The following EPS15L1 variants were observed in gnomAD, a reference collection of about 807,000 sequenced individuals.
EPS15L1 encodes epidermal growth factor receptor pathway substrate 15 like 1.
In EPS15L1, 43 loss-of-function variants were observed where a neutral mutation model predicts 117.1. The ratio of observed to expected loss-of-function variants is 0.37; its 90% CI spans 0.29 to 0.47. The LOEUF (loss-of-function observed/expected upper bound fraction) is 0.47, where lower values mean the gene tolerates loss of function less well. Ranked by LOEUF, EPS15L1 falls within the 20% of genes least tolerant of loss-of-function variation. The pLI, the probability that EPS15L1 is intolerant of heterozygous loss-of-function variation, is 0.99. For synonymous variants in EPS15L1, 459 were observed against 470.5 expected (o/e 0.98, Z 0.32); for missense variants, 981 against 1,164.0 (o/e 0.84, Z 2.29).
At chr19:16,436,163 G>C (rs190638573) in intron 6 of EPS15L1, among the ~76,000 whole-genome samples, 1 of 152,300 alleles carries the variant, frequency 6.6e-6, no homozygotes, top group Non-Finnish European at 1.5e-5. Context: ...TCCAAGAAGG[G>C]AGCAAACCAA....
intron 1 of EPS15L1, among the ~76,000 whole-genome samples, chr19:16,443,740 C>T (rs763120037): frequency 1.3e-5 from 2 of 151,138 alleles, no homozygotes; most frequent in Non-Finnish European, 2.9e-5. Context: ...TAATAATGCC[C>T]GGATTATGGT....
chr19:16,426,258 C>G (rs1206037676), intron 8 of EPS15L1, among the ~76,000 whole-genome samples: 2 of 152,254 alleles, frequency 1.3e-5, no homozygotes, highest in Admixed American at 6.5e-5. Flanking sequence ...CACAAGAGTG[C>G]ATGACCTGGG....
At chr19:16,428,404 AAGGG>A (rs909319405) in intron 8 of EPS15L1, among the ~76,000 whole-genome samples, 6 of 135,110 alleles carry the variant, frequency 4.4e-5, no homozygotes, top group Admixed American at 3.7e-4. Context: ...AAAGAAAGAA[AAGGG>A]AGGGAGGGAA....
rs2144745544 is a variant in EPS15L1 at position 16,386,158 on chromosome 19, T to C, written c.2164+13A>G. Reference sequence around the variant, plus strand: ...AGGAATAGTCAGGAAGAAAAATAAGTCATGGGTCTCACCTGATCCTTTTGA... The same window carrying C: ...AGGAATAGTCAGGAAGAAAAATAAGCCATGGGTCTCACCTGATCCTTTTGA... On this transcript the variant is annotated intron_variant, in intron 20 of 23. Transcript: ENST00000455140. 6.2e-7 allele frequency: 1 copy of C among 1,601,824 alleles called. No homozygotes were observed. The highest frequency in any genetic ancestry group is 8.6e-7 in the Non-Finnish European group (1 of 1,169,584).
At position 16,405,038 on chromosome 19, in the gene EPS15L1, C is replaced by T. The variant is rs1486333682; in HGVS notation, c.1267-289G>A. 1.3e-5 allele frequency among the ~76,000 whole-genome samples: 2 copies of T among 152,174 alleles called. No individual in the cohort carries two copies. Among genetic ancestry groups the T allele is most frequent in the South Asian group, 2.1e-4 (1 of 4,836 alleles). ...CCTGTGAGAAAAAGGCCCCAGCTCC[C>T]GGATGACATGCAGCTGTGGCTGCGG... On this transcript the variant is annotated intron_variant, in intron 13 of 23. Coordinates refer to ENST00000455140, the MANE Select transcript of EPS15L1 (RefSeq NM_001258374.3). The surrounding 1 kb of genome is among the most constrained non-coding windows in gnomAD (Gnocchi z 4.0).
At chr19:16,406,563 C>T (rs17723444) in intron 13 of EPS15L1, among the ~76,000 whole-genome samples, 6,589 of 152,284 alleles carry the variant, frequency 0.043, 336 homozygotes, top group East Asian at 0.27. Flanking sequence ...CACCGGGTAA[C>T]GCTGGCAGCA....
intron 8 of EPS15L1, among the ~76,000 whole-genome samples, chr19:16,426,855 C>A (rs889462331): frequency 6.6e-6 from 1 of 152,038 alleles, no homozygotes; most frequent in African/African-American, 2.4e-5. Flanking sequence ...CACGCTCATA[C>A]AGAATATAAG....
At chr19:16,380,514 C>T (rs919316661) in intron 21 of EPS15L1, among the ~76,000 whole-genome samples, 32 of 149,918 alleles carry the variant, frequency 2.1e-4, no homozygotes, top group Admixed American at 6.6e-5. Context: ...TACTCACACA[C>T]ACGCAGCCAT....
At chr19:16,393,930 C>A (rs747723919) in intron 18 of EPS15L1, 21 bp downstream of exon 18, 28 of 1,613,342 alleles carry the variant, frequency 1.7e-5, no homozygotes, top group Non-Finnish European at 2.3e-5. Context: ...AAAGACCGGT[C>A]CGGGAAACAC....
intron 1 of EPS15L1, among the ~76,000 whole-genome samples, chr19:16,463,163 A>C (rs961691153): frequency 6.6e-6 from 1 of 152,176 alleles, no homozygotes. Context: ...GTGGGGTCTC[A>C]CGTGGCTTGG....
At chr19:16,403,952 T>C (rs2092629204) in intron 14 of EPS15L1, 22 bp from the exon 15 acceptor site, 4 of 1,603,552 alleles carry the variant, frequency 2.5e-6, no homozygotes, top group Non-Finnish European at 3.4e-6. Flanking sequence ...TGTTAAAAGA[T>C]GTTAAAGAGA....
chr19:16,442,350 C>T (rs1408707277), intron 1 of EPS15L1, 131 bp from the exon 2 acceptor site: 2 of 668,648 alleles, frequency 3.0e-6, no homozygotes, highest in East Asian at 5.4e-5. Context: ...GCACTTTAAA[C>T]ATCCTCTGAA....
intron 10 of EPS15L1, 45 bp from the exon 11 acceptor site, chr19:16,418,149 C>G (rs768583517): frequency 1.3e-6 from 2 of 1,574,552 alleles, no homozygotes; most frequent in African/African-American, 2.7e-5. Flanking sequence ...CAGGCGCCGA[C>G]TCAGCCTGAA....
intron 2 of EPS15L1, 32 bp downstream of exon 2, chr19:16,442,146 G>C (rs1357395420): frequency 6.3e-7 from 1 of 1,597,556 alleles, no homozygotes; most frequent in East Asian, 2.2e-5. Flanking sequence ...GCATGCTCTA[G>C]TTCCATCTGA....
intron 19 of EPS15L1, among the ~76,000 whole-genome samples, chr19:16,389,648 A>G (rs1273920855): frequency 6.6e-6 from 1 of 152,164 alleles, no homozygotes; most frequent in Non-Finnish European, 1.5e-5. Context: ...AATACCCACA[A>G]TGGATTAATA....
chr19:16,378,136 G>A (rs1158841010), intron 21 of EPS15L1, among the ~76,000 whole-genome samples: 2 of 151,948 alleles, frequency 1.3e-5, no homozygotes, highest in Non-Finnish European at 1.5e-5. Context: ...GGATGGATGG[G>A]CAGGTAGAGA....
chr19:16,380,535 A>C (rs1054963509), intron 21 of EPS15L1, among the ~76,000 whole-genome samples: 2 of 151,910 alleles, frequency 1.3e-5, no homozygotes, highest in African/African-American at 4.8e-5. Flanking sequence ...CTAAGGCTCT[A>C]GCGTCCAGTC....
chr19:16,363,424 C>T (rs995184931), intron 22 of EPS15L1, among the ~76,000 whole-genome samples: 2 of 152,170 alleles, frequency 1.3e-5, no homozygotes, highest in Admixed American at 6.5e-5. Flanking sequence ...CACCTGCCTT[C>T]CTCATCCGGT....
Position 16,405,624 on chromosome 19 carries a change from C to T in EPS15L1, c.1267-875G>A, listed in dbSNP as rs963022774. 1.2e-4 allele frequency among the ~76,000 whole-genome samples: 18 copies of T among 152,208 alleles called. No homozygotes were observed. The highest frequency in any genetic ancestry group is 2.2e-4 in the Non-Finnish European group (15 of 68,036). On this transcript the variant is annotated intron_variant, in intron 13 of 23. Coordinates refer to ENST00000455140, the MANE Select transcript of EPS15L1 (RefSeq NM_001258374.3). This position sits in a 1 kb window ranked among gnomAD's most constrained non-coding sequence, Gnocchi z 4.0. ...TTCCAGCACAGCCCACACTGTGGGA[C>T]GCTCCTTGGCCATGGAACGGGATGG...
Sources: gnomAD v4.1 joint callset for allele counts (sites outside exome capture counted in the v4.1 genomes callset) on GRCh38, gnomAD v4.1.1 for gene constraint, Gnocchi (gnomAD v3.1) non-coding constraint, MANE v1.5 for transcripts, NCBI Gene and HGNC (gene_info 2026-07-23, HGNC 2026-07-21) for gene names.